SHANK2: variants seen among roughly 807,000 people sequenced by gnomAD.
SHANK2 encodes SH3 and multiple ankyrin repeat domains 2.
SHANK2 carries 43 observed loss-of-function variants against 133.7 expected under a neutral mutation model. The ratio of observed to expected loss-of-function variants is 0.32; its 90% CI spans 0.25 to 0.41. SHANK2 has a LOEUF of 0.41. Among genes scored for constraint, SHANK2 ranks in the 10% least tolerant of loss-of-function variants. The pLI is 1.00. For synonymous variants in SHANK2, 1,017 were observed against 952.8 expected (o/e 1.07, Z -1.24); for missense variants, 1,994 against 2,235.8 (o/e 0.89, Z 2.18).
intron 6 of SHANK2, among the ~76,000 whole-genome samples, chr11:71,099,444 C>T (rs943117826): frequency 2.6e-5 from 4 of 152,158 alleles, no homozygotes; most frequent in African/African-American, 9.7e-5. Flanking sequence ...TATCTTTGCA[C>T]TTATTCTGCA....
chr11:71,224,144 G>C (rs1240354088), intron 2 of SHANK2, among the ~76,000 whole-genome samples: 1 of 152,250 alleles, frequency 6.6e-6, no homozygotes, highest in Non-Finnish European at 1.5e-5. Context: ...CATGGAGCTG[G>C]TGGTAGTCAG....
chr11:71,086,294 A>ATGTTAT (rs1235378959), intron 8 of SHANK2, among the ~76,000 whole-genome samples: 2 of 40,396 alleles, frequency 5.0e-5, no homozygotes, highest in African/African-American at 9.9e-5. Context: ...TATGTTATAT[A>ATGTTAT]AGATGTTATA....
At chr11:70,729,322 T>G (rs1555031475) in intron 14 of SHANK2, among the ~76,000 whole-genome samples, 1 of 151,862 alleles carries the variant, frequency 6.6e-6, no homozygotes, top group African/African-American at 2.4e-5. Flanking sequence ...TCTACACATG[T>G]CCAGATACAC....
At chr11:71,184,023 G>A (rs1045561386) in intron 2 of SHANK2, among the ~76,000 whole-genome samples, 2 of 152,146 alleles carry the variant, frequency 1.3e-5, no homozygotes, top group East Asian at 3.9e-4. Flanking sequence ...CCTGACTGGG[G>A]AGCACTAACT....
At chr11:70,484,396 T>C (rs1230703005) in intron 25 of SHANK2, among the ~76,000 whole-genome samples, 1 of 152,116 alleles carries the variant, frequency 6.6e-6, no homozygotes, top group Non-Finnish European at 1.5e-5. Flanking sequence ...TAGACTGTGG[T>C]ACCTCCCCCG....
At chr11:70,790,467 C>G (rs1438190614) in intron 14 of SHANK2, among the ~76,000 whole-genome samples, 1 of 152,190 alleles carries the variant, frequency 6.6e-6, no homozygotes, top group African/African-American at 2.4e-5. Context: ...GGCTTGAAGT[C>G]AACATTTTTC....
At chr11:71,080,642 C>T (rs1283123129) in intron 8 of SHANK2, among the ~76,000 whole-genome samples, 1 of 152,162 alleles carries the variant, frequency 6.6e-6, no homozygotes, top group African/African-American at 2.4e-5. Flanking sequence ...AAACATATGC[C>T]TTGTGACATG....
chr11:71,136,176 G>C (rs570666354), intron 3 of SHANK2, among the ~76,000 whole-genome samples: 2 of 152,182 alleles, frequency 1.3e-5, no homozygotes, highest in African/African-American at 2.4e-5. Flanking sequence ...ATGAGAATCA[G>C]AACAAGGCTC....
chr11:71,107,444 C>A (rs1225294477), intron 6 of SHANK2, among the ~76,000 whole-genome samples: 2 of 152,136 alleles, frequency 1.3e-5, no homozygotes, highest in Non-Finnish European at 2.9e-5. Context: ...TGGGTTTGGT[C>A]TTTGTGATCA....
At chr11:70,611,966 G>C (rs11606924) in intron 17 of SHANK2, among the ~76,000 whole-genome samples, 52,291 of 142,886 alleles carry the variant, frequency 0.37, 10,588 homozygotes, top group Admixed American at 0.5. Flanking sequence ...GTGGGGGAGG[G>C]GGGGCGGGTG....
At chr11:71,167,378 T>C (rs1953176064) in intron 2 of SHANK2, among the ~76,000 whole-genome samples, 1 of 150,570 alleles carries the variant, frequency 6.6e-6, no homozygotes, top group Non-Finnish European at 1.5e-5. Context: ...GAGGCGCCCC[T>C]CACCTCCCGG....
chr11:70,843,857 C>A (rs1186574664), intron 11 of SHANK2, among the ~76,000 whole-genome samples: 3 of 152,172 alleles, frequency 2.0e-5, no homozygotes, highest in Non-Finnish European at 4.4e-5. Context: ...TGCTCAGGGA[C>A]CAGGAGTTCA....
intron 17 of SHANK2, among the ~76,000 whole-genome samples, chr11:70,588,225 A>G (rs2136255414): frequency 6.6e-6 from 1 of 152,336 alleles, no homozygotes; most frequent in East Asian, 1.9e-4. Flanking sequence ...CAAGGGAATA[A>G]AAAAAGAAAT....
intron 2 of SHANK2, among the ~76,000 whole-genome samples, chr11:71,190,299 T>C (rs1953765965): frequency 6.6e-6 from 1 of 152,232 alleles, no homozygotes; most frequent in Non-Finnish European, 1.5e-5. Flanking sequence ...TGGCAGCAGC[T>C]TCAGAAGGCT....
rs142680981 is a variant in SHANK2 at position 70,882,100 on chromosome 11, C to T, written c.1174+14401G>A. Among the ~76,000 whole-genome samples, 26 of 152,222 alleles carry T rather than the reference C, an allele frequency of 1.7e-4. No homozygotes were observed. Among genetic ancestry groups the T allele is most frequent in the African/African-American group, 6.0e-4 (25 of 41,540 alleles). The stretch of plus-strand genomic sequence containing the variant: ...AATTCCCCAAGCCCCCAGGGGGACA[C>T]ACTGAGGACCAGGGTTAAAGGGTGA... On this transcript the variant is annotated intron_variant, in intron 11 of 25. Transcript: ENST00000601538. This position sits in a 1 kb window ranked among gnomAD's most constrained non-coding sequence, Gnocchi z 4.2.
Position 71,092,120 on chromosome 11 carries a change from G to A in SHANK2, c.912+302C>T, listed in dbSNP as rs908598425. ...AGGGCAGGGCTCCTGGGAAGGGGGC[G>A]TCCACCCCATAACTGCAGGGCACTC... On this transcript the variant is annotated intron_variant, in intron 8 of 25. Transcript: ENST00000601538. Among the ~76,000 whole-genome samples, 7 of 152,170 alleles carry A rather than the reference G, an allele frequency of 4.6e-5. No individual in the cohort carries two copies. In the South Asian group the frequency reaches 6.2e-4, roughly 14 times the overall value.
At chr11:70,679,550 C>A (rs1215923652) in intron 15 of SHANK2, among the ~76,000 whole-genome samples, 1 of 152,240 alleles carries the variant, frequency 6.6e-6, no homozygotes, top group Non-Finnish European at 1.5e-5. Context: ...ATGACCAGTA[C>A]AAAGGGCTGT....
At chr11:70,677,924 CCCTCTGTTCCCT>C (rs1191466880) in intron 15 of SHANK2, among the ~76,000 whole-genome samples, 1 of 152,208 alleles carries the variant, frequency 6.6e-6, no homozygotes, top group Non-Finnish European at 1.5e-5. Context: ...AAGGTTCCAG[CCCTCTGTTCCCT>C]TCCACCATCT....
intron 17 of SHANK2, among the ~76,000 whole-genome samples, chr11:70,576,724 G>A (rs2060120937): frequency 6.6e-6 from 1 of 152,102 alleles, no homozygotes. Context: ...GCTCTCCCAG[G>A]GCCTCCGTTT....
Sources: allele counts gnomAD v4.1 joint callset (sites outside exome capture counted in the v4.1 genomes callset), GRCh38; gene constraint gnomAD v4.1.1; non-coding constraint Gnocchi (gnomAD v3.1); transcripts MANE v1.5; gene names NCBI Gene and HGNC (gene_info 2026-07-23, HGNC 2026-07-21).